SNAP29: variants seen among roughly 807,000 people sequenced by gnomAD.
SNAP29 encodes the protein synaptosome associated protein 29, also known as synaptosomal-associated protein 29.
A neutral mutation model predicts 27.9 loss-of-function variants in SNAP29; 13 were observed. The ratio of observed to expected loss-of-function variants is 0.47; its 90% CI spans 0.30 to 0.74. SNAP29 has a LOEUF of 0.74. SNAP29 is among the 30% of genes least tolerant of loss of function. The pLI, the probability that SNAP29 is intolerant of heterozygous loss-of-function variation, is 0.06. For missense variants in SNAP29, 368 were observed against 336.5 expected (o/e 1.09, Z -0.73); for synonymous variants, 119 against 127.1 (o/e 0.94, Z 0.43).
intron 2 of SNAP29, among the ~76,000 whole-genome samples, chr22:20,878,097 C>T (rs543796838): frequency 6.6e-6 from 1 of 152,222 alleles, no homozygotes; most frequent in Non-Finnish European, 1.5e-5. Context: ...TCTGGACTTG[C>T]TCTTGCAAGT....
At chr22:20,862,223 C>G (rs1342197312) in intron 1 of SNAP29, among the ~76,000 whole-genome samples, 1 of 152,188 alleles carries the variant, frequency 6.6e-6, no homozygotes, top group Non-Finnish European at 1.5e-5. Flanking sequence ...TTGAGGATCT[C>G]AAGCCCAAGG....
chr22:20,879,214 G>C lies in SNAP29; in HGVS notation c.435-1835G>C, dbSNP rs552283301. On this transcript the variant is annotated intron_variant, in intron 2 of 4. Coordinates refer to ENST00000215730, the MANE Select transcript of SNAP29 (RefSeq NM_004782.4). ...CCCAGCTACTCAGGAGGCTGAGACA[G>C]GAGAATGGTGTAAACCTGGTCAGCA... 2.0e-5 allele frequency among the ~76,000 whole-genome samples: 3 copies of C among 152,200 alleles called. No homozygotes were observed. In the South Asian group the frequency reaches 6.2e-4, roughly 32 times the overall value.
chr22:20,869,896 G>A (rs533287275), intron 1 of SNAP29, among the ~76,000 whole-genome samples: 1 of 151,882 alleles, frequency 6.6e-6, no homozygotes, highest in African/African-American at 2.4e-5. Flanking sequence ...TCAGCCCCCC[G>A]AGTAGCTGGG....
Position 20,859,180 on chromosome 22 carries a change from C to T in SNAP29, c.70C>T (p.Pro24Ser), listed in dbSNP as rs532524548. ...DGEDEGARPAPWRDARDLPDG... is the reference protein window; with the variant it reads ...DGEDEGARPASWRDARDLPDG... ...GGAGGACGAAGGCGCCCGGCCGGCC[C>T]CTTGGAGGGACGCCCGAGACCTCCC... The change falls in exon 1 of 5, where the codon CCT (proline) becomes TCT (serine). Residue 24 changes from proline to serine, a missense_variant. Physicochemically the swap from Pro to Ser is moderately conservative, Grantham distance 74. Transcript: ENST00000215730. The T allele has an allele frequency of 3.7e-6, 6 of 1,604,424 alleles. No homozygotes were observed. In the African/African-American group the frequency reaches 5.3e-5, roughly 14 times the overall value.
intron 1 of SNAP29, among the ~76,000 whole-genome samples, chr22:20,865,613 G>A (rs1165155742): frequency 1.3e-5 from 2 of 152,192 alleles, no homozygotes; most frequent in Non-Finnish European, 2.9e-5. Flanking sequence ...TTGTAGGGAG[G>A]TGTTTGGGGG....
At chr22:20,871,738 T>C (rs1928597275) in intron 2 of SNAP29, among the ~76,000 whole-genome samples, 1 of 151,896 alleles carries the variant, frequency 6.6e-6, no homozygotes, top group African/African-American at 2.4e-5. Context: ...AAAAATTAGC[T>C]GGGCGTGATG....
intron 4 of SNAP29, among the ~76,000 whole-genome samples, chr22:20,884,344 AAAG>A (rs1370948135): frequency 5.8e-4 from 88 of 151,902 alleles, no homozygotes; most frequent in Non-Finnish European, 1.1e-3. Context: ...AAAAAAAAAA[AAAG>A]AAGAAGTGAA....
intron 1 of SNAP29, among the ~76,000 whole-genome samples, chr22:20,863,455 T>C (rs1250975023): frequency 1.3e-5 from 2 of 152,202 alleles, no homozygotes; most frequent in Non-Finnish European, 2.9e-5. Flanking sequence ...AAGTCACCTC[T>C]AGCAAAGAGA....
chr22:20,864,953 A>T (rs755193064), intron 1 of SNAP29, among the ~76,000 whole-genome samples: 13 of 152,226 alleles, frequency 8.5e-5, no homozygotes, highest in Admixed American at 7.9e-4. Flanking sequence ...TGTGTCTAGC[A>T]GGTGGGAGGG....
At chr22:20,863,400 G>A (rs529429208) in intron 1 of SNAP29, among the ~76,000 whole-genome samples, 3 of 152,340 alleles carry the variant, frequency 2.0e-5, no homozygotes, top group South Asian at 4.1e-4. Context: ...ATTAGGTTGG[G>A]AAGATTATAA....
chr22:20,880,928 G>A (rs1376242700), intron 2 of SNAP29, 121 bp from the exon 3 acceptor site: 2 of 700,562 alleles, frequency 2.9e-6, no homozygotes, highest in Non-Finnish European at 5.1e-6. Context: ...GTCAGAAGGA[G>A]TTTGGCACAG....
In SNAP29 at chr22:20,883,550, G is replaced by A; in HGVS notation, c.600G>A (p.Gln200=). Residue 200 remains glutamine (Q), a synonymous_variant, in exon 4 of 5, where the codon CAG becomes CAA. Transcript: ENST00000215730. ...PKNPHLRAYH[Q]KIDSNLDELS... is the part of the protein sequence containing the mutation. Reference sequence around the variant, plus strand: ...ACCCACACCTTCGAGCCTATCACCAGAAGATCGACAGCAACCTAGGTAAGA... The same window carrying A: ...ACCCACACCTTCGAGCCTATCACCAAAAGATCGACAGCAACCTAGGTAAGA... 2.5e-6 allele frequency: 4 copies of A among 1,612,496 alleles called. No homozygotes were observed. Among genetic ancestry groups the A allele is most frequent in the Non-Finnish European group, 3.4e-6 (4 of 1,178,596 alleles).
chr22:20,879,585 C>T (rs1444037807), intron 2 of SNAP29, among the ~76,000 whole-genome samples: 1 of 151,712 alleles, frequency 6.6e-6, no homozygotes, highest in Non-Finnish European at 1.5e-5. Flanking sequence ...GTGGCTTATG[C>T]CTGTAATCCC....
intron 2 of SNAP29, among the ~76,000 whole-genome samples, chr22:20,872,134 T>C (rs1217244571): frequency 6.6e-6 from 1 of 152,190 alleles, no homozygotes; most frequent in Non-Finnish European, 1.5e-5. Flanking sequence ...TTTGGTTTGA[T>C]AGCCTTTTTC....
At chr22:20,867,631 A>G (rs560047093) in intron 1 of SNAP29, among the ~76,000 whole-genome samples, 1 of 152,318 alleles carries the variant, frequency 6.6e-6, no homozygotes, top group East Asian at 1.9e-4. Flanking sequence ...AGAAACTTCC[A>G]GAGGCCAGAG....
At chr22:20,877,598 C>T (rs1601651811) in intron 2 of SNAP29, among the ~76,000 whole-genome samples, 1 of 152,132 alleles carries the variant, frequency 6.6e-6, no homozygotes, top group East Asian at 1.9e-4. Flanking sequence ...CACCTATAAT[C>T]CCAGCTACTC....
chr22:20,862,720 G>A (rs889394677), intron 1 of SNAP29, among the ~76,000 whole-genome samples: 1 of 152,196 alleles, frequency 6.6e-6, no homozygotes, highest in African/African-American at 2.4e-5. Context: ...GAGAAGTACA[G>A]TGTGGTCATG....
At chr22:20,879,768 G>T (rs750638502) in intron 2 of SNAP29, among the ~76,000 whole-genome samples, 1 of 150,106 alleles carries the variant, frequency 6.7e-6, no homozygotes, top group Non-Finnish European at 1.5e-5. Flanking sequence ...ACTTGAACCC[G>T]GGAGGCAGAG....
Position 20,859,085 on chromosome 22 carries a change from C to T in SNAP29, c.-26C>T, listed in dbSNP as rs367611109. 4 of 1,562,442 alleles carry T rather than the reference C, an allele frequency of 2.6e-6. No individual in the cohort carries two copies. The highest frequency in any genetic ancestry group is 2.7e-5 in the African/African-American group (2 of 74,262). ...GGCAGTGGGGCTCCTCCTTCTGTTT[C>T]CCAGACCGAGAGCCGCGCCGGCACC... is the stretch of plus-strand genomic sequence containing the variant. On this transcript the variant is annotated 5_prime_UTR_variant, in exon 1 of 5. Coordinates refer to ENST00000215730, the MANE Select transcript of SNAP29 (RefSeq NM_004782.4).
Sources: allele counts gnomAD v4.1 joint callset (sites outside exome capture counted in the v4.1 genomes callset), GRCh38; gene constraint gnomAD v4.1.1; transcripts MANE v1.5; gene names NCBI Gene and HGNC (gene_info 2026-07-23, HGNC 2026-07-21).